Variants in CEP128 observed in about 807,000 individuals in gnomAD.
CEP128 encodes the protein centrosomal protein 128kDa.
Under a neutral mutation model 156.7 loss-of-function variants are expected in CEP128, and 132 were observed. The ratio of observed to expected loss-of-function variants is 0.84; its 90% CI spans 0.73 to 0.97. The LOEUF (loss-of-function observed/expected upper bound fraction) is 0.97. CEP128 is among the 50% of genes least tolerant of loss of function. The probability of loss-of-function intolerance (pLI) is 0.00; values close to 1 mark genes in which losing one functional copy is unlikely to be tolerated. For synonymous variants in CEP128, 469 were observed against 448.9 expected (o/e 1.04, Z -0.57); for missense variants, 1,252 against 1,281.9 (o/e 0.98, Z 0.36).
At chr14:80,643,476 T>C (rs924105197) in intron 19 of CEP128, among the ~76,000 whole-genome samples, 5 of 152,176 alleles carry the variant, frequency 3.3e-5, no homozygotes, top group Admixed American at 2.0e-4. Context: ...CCCAACACTT[T>C]GGGAGGTCAA....
At chr14:80,588,601 A>G (rs892427261) in intron 19 of CEP128, among the ~76,000 whole-genome samples, 5 of 152,118 alleles carry the variant, frequency 3.3e-5, no homozygotes, top group African/African-American at 1.2e-4. Context: ...ATTGGTCAAC[A>G]AATCTTAAAC....
intron 18 of CEP128, among the ~76,000 whole-genome samples, chr14:80,754,107 T>G (rs988246159): frequency 6.6e-6 from 1 of 152,220 alleles, no homozygotes; most frequent in Non-Finnish European, 1.5e-5. Flanking sequence ...CTCCATGCAA[T>G]GTAGATCTGA....
At chr14:80,760,273 A>G (rs1899893965) in intron 17 of CEP128, among the ~76,000 whole-genome samples, 1 of 152,080 alleles carries the variant, frequency 6.6e-6, no homozygotes, top group African/African-American at 2.4e-5. Flanking sequence ...TTGAACTTAA[A>G]AAAAAATTGT....
chr14:80,615,848 C>CAAATAAATAAATAAATAAAT (rs56839383), intron 19 of CEP128, among the ~76,000 whole-genome samples: 1 of 149,152 alleles, frequency 6.7e-6, no homozygotes, highest in Non-Finnish European at 1.5e-5. Context: ...AACTCCATCT[C>CAAATAAATAAATAAATAAAT]AAATAAATAA....
In CEP128 at chr14:80,704,222, A is replaced by G. The variant is rs540037342; in HGVS notation, c.2806+38853T>C. Among the ~76,000 whole-genome samples, 11 of 152,162 alleles carry G rather than the reference A, an allele frequency of 7.2e-5. No homozygotes were observed. In the South Asian group the frequency reaches 2.3e-3, roughly 32 times the overall value. ...CATTAGAAGATTTTACTAAGATTAA[A>G]TTGGGACTTAAGCAGCCAGTATTCA... On this transcript the variant is annotated intron_variant, in intron 19 of 24. Transcript: ENST00000555265.
intron 15 of CEP128, 36 bp from the exon 16 acceptor site, chr14:80,778,082 T>A (rs751327226): frequency 6.4e-7 from 1 of 1,572,332 alleles, no homozygotes; most frequent in South Asian, 1.1e-5. Flanking sequence ...GAAAGTCCAC[T>A]AGCCATAGCC....
intron 19 of CEP128, among the ~76,000 whole-genome samples, chr14:80,647,864 T>C (rs1894730307): frequency 1.3e-5 from 2 of 152,164 alleles, no homozygotes; most frequent in African/African-American, 4.8e-5. Context: ...ATTAACACAA[T>C]GCAGTTCTAC....
upstream of CEP128, among the ~76,000 whole-genome samples, chr14:80,944,451 A>T (rs1367709734): frequency 6.6e-6 from 1 of 152,142 alleles, no homozygotes; most frequent in African/African-American, 2.4e-5. Context: ...GTGAAGAAGG[A>T]TGTGTTTGCT....
At chr14:80,713,854 G>A (rs572457506) in intron 19 of CEP128, among the ~76,000 whole-genome samples, 2 of 152,196 alleles carry the variant, frequency 1.3e-5, no homozygotes, top group South Asian at 4.2e-4. Flanking sequence ...TAGCCTATTT[G>A]CACAAAGAAT....
At chr14:80,904,345 G>T (rs1883759359) in intron 6 of CEP128, among the ~76,000 whole-genome samples, 1 of 152,048 alleles carries the variant, frequency 6.6e-6, no homozygotes, top group Non-Finnish European at 1.5e-5. Flanking sequence ...CGGGGAGAGG[G>T]GGTGAAGAGG....
chr14:80,639,826 A>G (rs1894336812), intron 19 of CEP128, among the ~76,000 whole-genome samples: 1 of 152,154 alleles, frequency 6.6e-6, no homozygotes, highest in Non-Finnish European at 1.5e-5. Context: ...ATGAAGGAGT[A>G]AGAAGGTTGA....
downstream of CEP128, among the ~76,000 whole-genome samples, chr14:80,485,639 T>C (rs1397685238): frequency 1.3e-5 from 2 of 152,170 alleles, no homozygotes; most frequent in Non-Finnish European, 2.9e-5. Flanking sequence ...TGGTAACATA[T>C]AATAGAGACT....
chr14:80,661,960 A>T (rs1483539048), intron 19 of CEP128, among the ~76,000 whole-genome samples: 2 of 152,078 alleles, frequency 1.3e-5, no homozygotes, highest in African/African-American at 4.8e-5. Context: ...AAACAATATC[A>T]CTCAGTTTCT....
chr14:80,774,868 G>A lies in CEP128; in HGVS notation c.2376+3014C>T, dbSNP rs1160373802. Among the ~76,000 whole-genome samples the A allele has an allele frequency of 2.6e-5, 4 of 152,282 alleles. 1 individual carries two copies. In the South Asian group the frequency reaches 6.2e-4, roughly 24 times the overall value. On this transcript the variant is annotated intron_variant, in intron 16 of 24. Coordinates refer to ENST00000555265, the MANE Select transcript of CEP128 (RefSeq NM_152446.5). The stretch of plus-strand genomic sequence containing the variant: ...ACCAGCCAGCTCTTTTCACATGTGT[G>A]CCTCCTCTGTTTCAAATGATTCAAC...
chr14:80,695,338 G>C (rs1309626956), intron 19 of CEP128, among the ~76,000 whole-genome samples: 1 of 152,198 alleles, frequency 6.6e-6, no homozygotes, highest in East Asian at 1.9e-4. Context: ...TATACATTGA[G>C]TTTTGAGAAA....
chr14:80,678,897 T>C (rs1335732382), intron 19 of CEP128, among the ~76,000 whole-genome samples: 4 of 152,160 alleles, frequency 2.6e-5, no homozygotes, highest in Non-Finnish European at 4.4e-5. Context: ...GGAACATAAA[T>C]TGTGAAGATT....
rs1897483541 is a variant in CEP128 at position 80,713,355 on chromosome 14, G to A, written c.2806+29720C>T. Among the ~76,000 whole-genome samples the A allele has an allele frequency of 2.6e-5, 4 of 151,994 alleles. No individual in the cohort carries two copies. The South Asian group carries it at 8.3e-4, about 32-fold the overall frequency. On this transcript the variant is annotated intron_variant, in intron 19 of 24. Coordinates refer to ENST00000555265, the MANE Select transcript of CEP128 (RefSeq NM_152446.5). ...TCTTTGGAAACAATGTTTTATTCTT[G>A]CCTCCCTGAATTTCTTCCTATCTCC...
At chr14:80,674,041 T>A (rs1042345341) in intron 19 of CEP128, among the ~76,000 whole-genome samples, 1 of 151,632 alleles carries the variant, frequency 6.6e-6, no homozygotes, top group African/African-American at 2.4e-5. Flanking sequence ...GACAAAAGAA[T>A]TTTTCAGAGT....
In CEP128 at chr14:80,840,574, G is replaced by T. The variant is rs113396399; in HGVS notation, c.849+108C>A. The T allele has an allele frequency of 6.0e-4, 395 of 655,698 alleles. 2 individuals are homozygous for T. Among genetic ancestry groups the T allele is most frequent in the African/African-American group, 4.5e-3 (245 of 54,652 alleles). 40.6% of individuals were successfully genotyped at this position (655,698 alleles called of 1,614,324 possible). A position where few individuals can be genotyped will look rare whatever the true frequency, so the allele number is the denominator to read the frequency against. On this transcript the variant is annotated intron_variant, in intron 10 of 24. Coordinates refer to ENST00000555265, the MANE Select transcript of CEP128 (RefSeq NM_152446.5). ...AATTGACTCCACATAGAAAGATAAA[G>T]AACTCACAATGTTCTAAAGGATCCT... is the stretch of plus-strand genomic sequence containing the variant.
Sources: gnomAD v4.1 joint callset for allele counts (sites outside exome capture counted in the v4.1 genomes callset) on GRCh38, gnomAD v4.1.1 for gene constraint, MANE v1.5 for transcripts, NCBI Gene and HGNC (gene_info 2026-07-23, HGNC 2026-07-21) for gene names.